CREBZF: variants seen among roughly 807,000 people sequenced by gnomAD.
CREBZF encodes HCF-binding transcription factor Zhangfei.
Under a neutral mutation model 21.1 loss-of-function variants are expected in CREBZF, and 8 were observed. The ratio of observed to expected loss-of-function variants is 0.38; its 90% CI spans 0.22 to 0.68. The LOEUF (loss-of-function observed/expected upper bound fraction) is 0.68, where lower values mean the gene tolerates loss of function less well. Among genes scored for constraint, CREBZF ranks in the 30% least tolerant of loss-of-function variants. The pLI, the probability that CREBZF is intolerant of heterozygous loss-of-function variation, is 0.51. For missense variants in CREBZF, 518 were observed against 484.3 expected, an observed-to-expected ratio of 1.07 and a Z score of -0.65; for synonymous variants, 270 against 223.3, an observed-to-expected ratio of 1.21 and a Z score of -1.86.
At chr11:85,682,760 C>G (rs1037536269) in exon 1 of CREBZF, 2 of 700,544 alleles carry the variant, frequency 2.9e-6, no homozygotes, top group Admixed American at 4.0e-5. Flanking sequence ...CGGCCTCTGC[C>G]CATGGGACTT....
Position 85,663,526 on chromosome 11 carries a change from G to A in CREBZF, c.*285C>T, listed in dbSNP as rs1405016421. On this transcript the variant is annotated 3_prime_UTR_variant, in exon 1 of 1. Transcript: ENST00000527447. ...TACGGGAAGAGATGGATCCTTACCA[G>A]GTTGTGAGGCGGGAACGACTGTTCT... 1 of 1,100,112 alleles carries A rather than the reference G, an allele frequency of 9.1e-7. No individual in the cohort carries two copies. Among genetic ancestry groups the A allele is most frequent in the Non-Finnish European group, 1.4e-6 (1 of 735,542 alleles). 68.1% of individuals were successfully genotyped at this position (1,100,112 alleles called of 1,614,324 possible).
At chr11:85,667,378 C>T (rs76447323), upstream of CREBZF, among the ~76,000 whole-genome samples, 11,183 of 152,224 alleles carry the variant, frequency 0.073, 727 homozygotes, top group Non-Finnish European at 0.1. Context: ...TGCCCAGATT[C>T]GCTTTTCTTT....
At chr11:85,668,798 C>T (rs2082889357), upstream of CREBZF, among the ~76,000 whole-genome samples, 2 of 151,016 alleles carry the variant, frequency 1.3e-5, no homozygotes, top group Admixed American at 6.6e-5. Context: ...GTCAGGAGAT[C>T]GAGACCATCC....
At chr11:85,682,663 A>G (rs2082984792) in intron 1 of CREBZF, 1 of 444,310 alleles carries the variant, frequency 2.3e-6, no homozygotes, top group Non-Finnish European at 4.1e-6. Context: ...GAGTCCCTGG[A>G]GCCCACTCCC....
chr11:85,674,691 T>C (rs549282592), intron 1 of CREBZF, among the ~76,000 whole-genome samples: 12 of 152,368 alleles, frequency 7.9e-5, no homozygotes, highest in African/African-American at 2.9e-4. Flanking sequence ...AAAGGCCTTT[T>C]TGTCCACAGT....
chr11:85,663,612 G>A lies in CREBZF; in HGVS notation c.*199C>T, dbSNP rs768526255. The A allele has an allele frequency of 2.9e-5, 46 of 1,560,542 alleles. No homozygotes were observed. The Middle Eastern group carries it at 5.0e-4, about 17-fold the overall frequency. On this transcript the variant is annotated 3_prime_UTR_variant, in exon 1 of 1. Transcript: ENST00000527447. ...CACCTAAAAAAGAAACTGTCAGAGA[G>A]ATTTAATAGTCACATGTTATCATTA...
In CREBZF at chr11:85,663,030, A is replaced by G. The variant is rs2082731758; in HGVS notation, c.*781T>C. The G allele has an allele frequency of 6.1e-6, 1 of 163,428 alleles. No individual in the cohort carries two copies. The highest frequency in any genetic ancestry group is 5.8e-5 in the Admixed American group (1 of 17,170). The allele number at this position is 163,428 out of a possible 1,614,324, so 10.1% of individuals were successfully genotyped here. A position where few individuals can be genotyped will look rare whatever the true frequency, so the allele number is the denominator to read the frequency against. On this transcript the variant is annotated 3_prime_UTR_variant, in exon 1 of 1. Coordinates refer to ENST00000527447, the MANE Select transcript of CREBZF (RefSeq NM_001039618.4). ...TACTGAAAACTAAAAGGCATTGTTG[A>G]TATTTAAGAGATACCTGTCACCTCC...
Position 85,663,000 on chromosome 11 carries a change from T to C in CREBZF, c.*811A>G, listed in dbSNP as rs184771380. 8.3e-4 allele frequency: 135 copies of C among 161,794 alleles called. 2 individuals carry two copies. Among genetic ancestry groups the C allele is most frequent in the Admixed American group, 6.2e-3 (106 of 17,078 alleles). The allele number at this position is 161,794 out of a possible 1,614,324, so 10.0% of individuals were successfully genotyped here. A position where few individuals can be genotyped will look rare whatever the true frequency, so the allele number is the denominator to read the frequency against. ...TACTCCATTATAGACTGTTTCTATA[T>C]CTCATACTGAAAACTAAAAGGCATT... On this transcript the variant is annotated 3_prime_UTR_variant, in exon 1 of 1. Coordinates refer to ENST00000527447, the MANE Select transcript of CREBZF (RefSeq NM_001039618.4).
At chr11:85,671,073 G>A (rs1332987799) in intron 1 of CREBZF, among the ~76,000 whole-genome samples, 9 of 152,144 alleles carry the variant, frequency 5.9e-5, no homozygotes, top group African/African-American at 4.8e-5. Context: ...AATTTATAAA[G>A]AAAAGAGGTT....
rs1344751529 is a variant in CREBZF at position 85,658,980 on chromosome 11, G to A, written c.*4831C>T. Among the ~76,000 whole-genome samples the A allele has an allele frequency of 6.6e-6, 1 of 152,002 alleles. No homozygotes were observed. The highest frequency in any genetic ancestry group is 1.5e-5 in the Non-Finnish European group (1 of 67,902). Reference sequence around the variant, plus strand: ...CAATAAAGAGTGACTGGTGTTGAGAGTACTGAGGCTACACAGAGGTACTGA... The same window carrying A: ...CAATAAAGAGTGACTGGTGTTGAGAATACTGAGGCTACACAGAGGTACTGA... On this transcript the variant is annotated 3_prime_UTR_variant, in exon 1 of 1. Transcript: ENST00000527447.
rs760480977 is a variant in CREBZF at position 85,664,490 on chromosome 11, G to A, written c.386C>T (p.Pro129Leu). 6.2e-7 allele frequency: 1 copy of A among 1,613,742 alleles called. No homozygotes were observed. The highest frequency in any genetic ancestry group is 1.1e-5 in the South Asian group (1 of 91,056). The part of the protein sequence containing the change: ...HLDPGLSSPG[P>L]LSSSGGGSDS... The stretch of plus-strand genomic sequence containing the variant: ...CGAGCCTCCGCCAGACGAGGAGAGA[G>A]GCCCCGGCGAGCTAAGCCCGGGGTC... The change falls in exon 1 of 1, where the codon CCT (proline) becomes CTT (leucine). Residue 129 changes from proline (P) to leucine (L), a missense_variant. Around this residue, in one of 3 missense-constraint regions of CREBZF, gnomAD observed 396 missense variants for 324.4 expected, o/e 1.22. Coordinates refer to ENST00000527447, the MANE Select transcript of CREBZF (RefSeq NM_001039618.4). The surrounding 1 kb of genome is among the most constrained non-coding windows in gnomAD (Gnocchi z 5.5).
upstream of CREBZF, among the ~76,000 whole-genome samples, chr11:85,666,992 T>C (rs771358961): frequency 1.3e-5 from 2 of 152,248 alleles, no homozygotes; most frequent in African/African-American, 2.4e-5. Flanking sequence ...CCCATCCAAC[T>C]ACATTTTCCC....
intron 1 of CREBZF, among the ~76,000 whole-genome samples, chr11:85,674,630 G>A (rs1454997890): frequency 6.6e-6 from 1 of 152,180 alleles, no homozygotes; most frequent in African/African-American, 2.4e-5. Context: ...TTTGATGCCA[G>A]GCATTGACTT....
Position 85,664,304 on chromosome 11 carries a change from C to G in CREBZF, c.572G>C (p.Gly191Ala). 6.2e-7 allele frequency: 1 copy of G among 1,612,104 alleles called. No homozygotes were observed. Among genetic ancestry groups the G allele is most frequent in the South Asian group, 1.1e-5 (1 of 91,014 alleles). The change falls in exon 1 of 1, where the codon GGA becomes GCA. Residue 191 changes from glycine (G) to alanine (A), a missense_variant. By Grantham distance (60) the Gly-to-Ala change is moderately conservative. Transcript: ENST00000527447. The surrounding 1 kb of genome is among the most constrained non-coding windows in gnomAD (Gnocchi z 5.5). ...ACCGCTGCCGCCACCGCCGCCTCCT[C>G]CTGGGGACTTTCTCCGCCTCTTTTC... Reference protein sequence around the residue: ...SAEKRRRKSPGGGGGGGSGND... With the variant: ...SAEKRRRKSPAGGGGGGSGND...
At chr11:85,666,593 T>C (rs2082866512), upstream of CREBZF, among the ~76,000 whole-genome samples, 2 of 152,218 alleles carry the variant, frequency 1.3e-5, no homozygotes, top group African/African-American at 4.8e-5. Context: ...AATAATGTAG[T>C]AGATATCCTC....
chr11:85,678,101 G>A (rs2082952853), intron 1 of CREBZF, among the ~76,000 whole-genome samples: 1 of 152,124 alleles, frequency 6.6e-6, no homozygotes, highest in Non-Finnish European at 1.5e-5. Context: ...GCCATTGAGA[G>A]CCCCTCCAAT....
At chr11:85,682,834 G>A in exon 1 of CREBZF, 2 of 702,342 alleles carry the variant, frequency 2.8e-6, no homozygotes, top group South Asian at 1.5e-5. Flanking sequence ...AATTTGGGAT[G>A]GATGAGCCGA....
At chr11:85,682,790 A>C (rs1227812420) in exon 1 of CREBZF, 1 of 701,426 alleles carries the variant, frequency 1.4e-6, no homozygotes, top group African/African-American at 1.7e-5. Flanking sequence ...GGCTGGGCGC[A>C]AAACTTAGGC....
At chr11:85,672,800 A>G (rs1273341951) in intron 1 of CREBZF, among the ~76,000 whole-genome samples, 1 of 152,220 alleles carries the variant, frequency 6.6e-6, no homozygotes, top group African/African-American at 2.4e-5. Context: ...ATGATGTACC[A>G]TCATTTTTGT....
Sources: gnomAD v4.1 joint callset for allele counts (sites outside exome capture counted in the v4.1 genomes callset) on GRCh38, gnomAD v4.1.1 for gene constraint, gnomAD v4.1.1 regional missense constraint, Gnocchi (gnomAD v3.1) non-coding constraint, MANE v1.5 for transcripts, NCBI Gene and HGNC (gene_info 2026-07-23, HGNC 2026-07-21) for gene names.